XCR1: variants seen among roughly 807,000 people sequenced by gnomAD.
XCR1 encodes chemokine XC receptor 1.
For missense variants in XCR1, 356 were observed against 424.2 expected (o/e 0.84, Z 1.41); for synonymous variants, 187 against 188.5 (o/e 0.99, Z 0.06).
intron 1 of XCR1, among the ~76,000 whole-genome samples, chr3:46,026,720 C>T (rs1386763394): frequency 6.6e-6 from 1 of 151,560 alleles, no homozygotes; most frequent in South Asian, 2.1e-4. Flanking sequence ...GTAGCTAGGA[C>T]TACAGGTGCC....
intron 1 of XCR1, chr3:46,023,489 T>G: frequency 6.4e-7 from 1 of 1,565,450 alleles, no homozygotes; most frequent in South Asian, 1.1e-5. Context: ...GATAGCCACA[T>G]GAAACAGCTC....
chr3:46,071,088 T>C (rs1468771645), intron 3 of XCR1, among the ~76,000 whole-genome samples: 1 of 152,096 alleles, frequency 6.6e-6, no homozygotes, highest in Non-Finnish European at 1.5e-5. Context: ...AAATGAGACA[T>C]TGCAACTGAT....
At chr3:46,052,424 C>T (rs537128676) in intron 5 of XCR1, among the ~76,000 whole-genome samples, 1 of 152,292 alleles carries the variant, frequency 6.6e-6, no homozygotes, top group East Asian at 1.9e-4. Flanking sequence ...CACTGATTAG[C>T]CCAGTGATTT....
chr3:46,066,401 C>T (rs748982946), intron 4 of XCR1, among the ~76,000 whole-genome samples: 9 of 152,164 alleles, frequency 5.9e-5, no homozygotes, highest in South Asian at 2.1e-4. Flanking sequence ...CGCACCACCA[C>T]GCCCGGCTAA....
chr3:46,028,768 T>C (rs568737562), upstream of XCR1, among the ~76,000 whole-genome samples: 5 of 152,196 alleles, frequency 3.3e-5, no homozygotes, highest in Admixed American at 2.6e-4. Flanking sequence ...TATTTTAATT[T>C]TTTTGTAGAG....
upstream of XCR1, among the ~76,000 whole-genome samples, chr3:46,032,347 G>A (rs1485670062): frequency 6.6e-6 from 1 of 152,194 alleles, no homozygotes; most frequent in Non-Finnish European, 1.5e-5. Flanking sequence ...AGCTGCTTGT[G>A]GTGCATCTGG....
chr3:46,072,655 A>G (rs1255834556), intron 3 of XCR1, among the ~76,000 whole-genome samples: 1 of 152,244 alleles, frequency 6.6e-6, no homozygotes, highest in Non-Finnish European at 1.5e-5. Context: ...ATGTTCATGG[A>G]TCAGAAGAAT....
upstream of XCR1, among the ~76,000 whole-genome samples, chr3:46,029,015 T>C (rs1001131200): frequency 4.6e-5 from 7 of 152,268 alleles, no homozygotes; most frequent in Non-Finnish European, 8.8e-5. Context: ...GGCTTAGCTC[T>C]GAACTTTCAG....
At chr3:46,062,192 C>A (rs890742289) in intron 4 of XCR1, among the ~76,000 whole-genome samples, 54 of 152,146 alleles carry the variant, frequency 3.5e-4, no homozygotes, top group African/African-American at 1.2e-3. Context: ...TGGGGAGATG[C>A]AGGCCTCCTG....
At position 46,021,631 on chromosome 3, in the gene XCR1, T is replaced by C. The variant is rs1559479085; in HGVS notation, c.317A>G (p.Asn106Ser). 6.2e-7 allele frequency: 1 copy of C among 1,613,636 alleles called. No individual in the cohort carries two copies. The highest frequency in any genetic ancestry group is 8.5e-7 in the Non-Finnish European group (1 of 1,179,864). ...VLGDFLCKLL[N>S]MIFSISLYSS... ...GTAGAGGCTGATGGAGAAGATCATATTGAGGAGTTTGCAGAGGAAGTCTCC... is the reference window on the plus strand; with the variant it reads ...GTAGAGGCTGATGGAGAAGATCATACTGAGGAGTTTGCAGAGGAAGTCTCC... Residue 106 changes from asparagine to serine, a missense_variant, in exon 2 of 2, where the codon AAT (asparagine) becomes AGT (serine). Physicochemically the swap from Asn to Ser is conservative, Grantham distance 46 (BLOSUM62 1). Transcript: ENST00000309285. The surrounding 1 kb of genome is among the most constrained non-coding windows in gnomAD (Gnocchi z 4.7).
rs534048946 is a variant in XCR1 at position 46,020,570 on chromosome 3, A to G, written c.*376T>C. The stretch of plus-strand genomic sequence containing the variant: ...ATTGTCTTGTCAGCATCGTGCAGTT[A>G]TCACAATGAGCTTTAGGCCCTGTAA... On this transcript the variant is annotated 3_prime_UTR_variant, in exon 2 of 2. Transcript: ENST00000309285. 5.2e-4 allele frequency: 115 copies of G among 220,246 alleles called. No homozygotes were observed. The highest frequency in any genetic ancestry group is 4.5e-3 in the South Asian group (53 of 11,752). The allele number at this position is 220,246 out of a possible 1,614,324, so 13.6% of individuals were successfully genotyped here.
chr3:46,033,124 A>G (rs1460594908), intron 5 of XCR1, among the ~76,000 whole-genome samples: 1 of 152,134 alleles, frequency 6.6e-6, no homozygotes, highest in Admixed American at 6.5e-5. Flanking sequence ...AAAGTTTTAA[A>G]TTGTAATAAA....
chr3:46,033,169 T>C (rs1708431530), intron 5 of XCR1, among the ~76,000 whole-genome samples: 1 of 152,158 alleles, frequency 6.6e-6, no homozygotes, highest in Admixed American at 6.5e-5. Context: ...CACAGTATTG[T>C]ATCAAAAACT....
At chr3:46,053,886 G>A (rs941041554) in intron 5 of XCR1, among the ~76,000 whole-genome samples, 6 of 137,076 alleles carry the variant, frequency 4.4e-5, no homozygotes, top group African/African-American at 1.7e-4. Context: ...ACTACTTTAA[G>A]GCACTGCTCC....
rs75961184 is a variant in XCR1, at chr3:46,067,795, A to G, written c.-262-817T>C. Among the ~76,000 whole-genome samples the G allele has an allele frequency of 2.2e-3, 334 of 152,216 alleles. 9 individuals are homozygous for G. In the East Asian group the frequency reaches 0.049, roughly 22 times the overall value. On this transcript the variant is annotated intron_variant, in intron 3 of 5. Transcript: ENST00000683768. ...AAAGTGCATAGGGGTGAGAACAGGG[A>G]GAGAAGAGGAAAGAGGACATGCTGT...
At chr3:46,074,981 T>C (rs539680963) in intron 2 of XCR1, among the ~76,000 whole-genome samples, 2 of 152,228 alleles carry the variant, frequency 1.3e-5, no homozygotes, top group South Asian at 2.1e-4. Context: ...GAATTCATAA[T>C]TAAAATCTCC....
At position 46,038,255 on chromosome 3, in the gene XCR1, T is replaced by A. The variant is rs144501754; in HGVS notation, c.-32+15665A>T. Among the ~76,000 whole-genome samples the A allele has an allele frequency of 8.5e-5, 13 of 152,126 alleles. No individual in the cohort carries two copies. In the East Asian group the frequency reaches 2.5e-3, roughly 29 times the overall value. Reference sequence around the variant, plus strand: ...CTTGTCTGGAATTCCTGACCTCAGGTGATCTGCCAGGCTTGGTCTCCCAAA... The same window carrying A: ...CTTGTCTGGAATTCCTGACCTCAGGAGATCTGCCAGGCTTGGTCTCCCAAA... On this transcript the variant is annotated intron_variant, in intron 5 of 5. Transcript: ENST00000683768.
At position 46,021,529 on chromosome 3, in the gene XCR1, A is replaced by T; in HGVS notation, c.419T>A (p.Val140Asp). 6.2e-7 allele frequency: 1 copy of T among 1,611,454 alleles called. No homozygotes were observed. Among genetic ancestry groups the T allele is most frequent in the South Asian group, 1.1e-5 (1 of 90,734 alleles). Reference sequence around the variant, plus strand: ...CAGCACCCGGCAGCGGAGGGTGGGGACGCGCAGGGTGGAGAGGGGGCTCAC... The same window carrying T: ...CAGCACCCGGCAGCGGAGGGTGGGGTCGCGCAGGGTGGAGAGGGGGCTCAC... ...SVVSPLSTLR[V>D]PTLRCRVLVT... The change falls in exon 2 of 2, where the codon GTC (valine) becomes GAC (aspartate). Residue 140 changes from valine to aspartate, a missense_variant. Val to Asp is a radical substitution (Grantham distance 152). Transcript: ENST00000309285. This position sits in a 1 kb window ranked among gnomAD's most constrained non-coding sequence, Gnocchi z 4.7.
rs769812816 is a variant in XCR1 at position 46,021,147 on chromosome 3, G to T, written c.801C>A (p.Tyr267Ter). Reference sequence around the variant, plus strand: ...CGAGGTTGCGGCAGATGAGCAGGGCGTATTCTAGCTGCTGTTTGGCCTCGC... The same window carrying T: ...CGAGGTTGCGGCAGATGAGCAGGGCTTATTCTAGCTGCTGTTTGGCCTCGC... ...RSCEAKQQLE[Y>*]ALLICRNLAF... The change falls in exon 2 of 2, where the codon TAC becomes TAA. Residue 267 changes from tyrosine (Y) to a stop codon, truncating the protein, a stop_gained. Coordinates refer to ENST00000309285, the MANE Select transcript of XCR1 (RefSeq NM_001024644.2). LOFTEE classifies it low-confidence loss of function (END_TRUNC). This position sits in a 1 kb window ranked among gnomAD's most constrained non-coding sequence, Gnocchi z 4.7. 1 of 1,614,240 alleles carries T rather than the reference G, an allele frequency of 6.2e-7. No homozygotes were observed. The highest frequency in any genetic ancestry group is 8.5e-7 in the Non-Finnish European group (1 of 1,180,042).
Sources: allele counts gnomAD v4.1 joint callset (sites outside exome capture counted in the v4.1 genomes callset), GRCh38; gene constraint gnomAD v4.1.1; non-coding constraint Gnocchi (gnomAD v3.1); transcripts MANE v1.5; gene names NCBI Gene and HGNC (gene_info 2026-07-23, HGNC 2026-07-21).